Variants in GBE1 observed in about 807,000 individuals in gnomAD.
GBE1 encodes the protein 1,4-alpha-glucan-branching enzyme.
Under a neutral mutation model 88.8 loss-of-function variants are expected in GBE1, and 70 were observed. The ratio of observed to expected loss-of-function variants is 0.79; its 90% CI spans 0.65 to 0.96. GBE1 has a LOEUF of 0.96. Among genes scored for constraint, GBE1 ranks in the 40% least tolerant of loss-of-function variants. The pLI is 0.00. For missense variants in GBE1, 872 were observed against 871.0 expected (o/e 1.00, Z -0.01); for synonymous variants, 284 against 300.1 (o/e 0.95, Z 0.56).
chr3:81,546,608 G>A (rs189813856), intron 12 of GBE1, among the ~76,000 whole-genome samples: 2 of 151,430 alleles, frequency 1.3e-5, no homozygotes, highest in Admixed American at 1.3e-4. Flanking sequence ...AGTGACCTCT[G>A]GTCTTTCTCA....
At chr3:81,559,483 C>A (rs530670625) in intron 12 of GBE1, among the ~76,000 whole-genome samples, 2 of 151,882 alleles carry the variant, frequency 1.3e-5, no homozygotes, top group East Asian at 1.9e-4. Context: ...ATTGTACCCA[C>A]CCCATGAAGT....
intron 7 of GBE1, chr3:81,642,551 C>A: frequency 5.3e-6 from 2 of 379,266 alleles, no homozygotes; most frequent in Non-Finnish European, 9.4e-6. Context: ...GATTATATAA[C>A]CAATATATTT....
intron 2 of GBE1, among the ~76,000 whole-genome samples, chr3:81,672,038 T>C (rs1705197487): frequency 6.6e-6 from 1 of 152,010 alleles, no homozygotes; most frequent in Admixed American, 6.6e-5. Flanking sequence ...AATAAACATG[T>C]AATGATACTC....
chr3:81,659,335 T>TCTAAAAAAAAATAAAAAAAAA (rs1704989475), intron 3 of GBE1, among the ~76,000 whole-genome samples: 1 of 151,668 alleles, frequency 6.6e-6, no homozygotes, highest in Non-Finnish European at 1.5e-5. Flanking sequence ...ATTCTTTTTT[T>TCTAAAAAAAAATAAAAAAAAA]ATTTTTTTTT....
chr3:81,714,814 G>A (rs1705919422), intron 1 of GBE1, among the ~76,000 whole-genome samples: 2 of 152,168 alleles, frequency 1.3e-5, no homozygotes, highest in South Asian at 4.1e-4. Context: ...CGTTTGGTGA[G>A]GGCACTCTTC....
intron 1 of GBE1, among the ~76,000 whole-genome samples, chr3:81,721,193 G>T (rs1467548805): frequency 1.3e-5 from 1 of 76,684 alleles, no homozygotes; most frequent in African/African-American, 6.1e-5. Context: ...CTAAAACTTA[G>T]AGTATAATAA....
intron 7 of GBE1, among the ~76,000 whole-genome samples, chr3:81,598,199 T>A (rs1703984957): frequency 6.6e-6 from 1 of 151,894 alleles, no homozygotes; most frequent in African/African-American, 2.4e-5. Flanking sequence ...TATTAATAAA[T>A]AAGAGACATT....
At chr3:81,556,715 A>C (rs1328739423) in intron 12 of GBE1, among the ~76,000 whole-genome samples, 3 of 152,144 alleles carry the variant, frequency 2.0e-5, no homozygotes, top group African/African-American at 7.2e-5. Flanking sequence ...GTATTTAATT[A>C]CAAATTATAT....
chr3:81,625,923 TTG>T (rs1293352989), intron 7 of GBE1, among the ~76,000 whole-genome samples: 1 of 152,112 alleles, frequency 6.6e-6, no homozygotes, highest in African/African-American at 2.4e-5. Flanking sequence ...AAAGGTGAAA[TTG>T]TGTTTTATTT....
intron 7 of GBE1, among the ~76,000 whole-genome samples, chr3:81,619,874 A>T (rs533053968): frequency 6.6e-6 from 1 of 152,206 alleles, no homozygotes; most frequent in African/African-American, 2.4e-5. Context: ...ATTTAAAATG[A>T]AGTTTTTCTT....
chr3:81,502,829 C>T (rs1335994870), intron 14 of GBE1, among the ~76,000 whole-genome samples: 1 of 152,126 alleles, frequency 6.6e-6, no homozygotes, highest in African/African-American at 2.4e-5. Flanking sequence ...CATCCTTTTT[C>T]TGTGAAAATT....
intron 2 of GBE1, among the ~76,000 whole-genome samples, chr3:81,693,035 G>A (rs1705543618): frequency 6.6e-6 from 1 of 152,052 alleles, no homozygotes; most frequent in South Asian, 2.1e-4. Flanking sequence ...GACTAAAAAG[G>A]AAATTCACTT....
chr3:81,731,449 C>T (rs1706184302), intron 1 of GBE1, among the ~76,000 whole-genome samples: 1 of 152,142 alleles, frequency 6.6e-6, no homozygotes, highest in African/African-American at 2.4e-5. Context: ...TTCCCTATTA[C>T]CATATCTTTA....
chr3:81,544,306 ACAATAGTT>A (rs1559640065), intron 12 of GBE1, among the ~76,000 whole-genome samples: 1 of 152,180 alleles, frequency 6.6e-6, no homozygotes, highest in Non-Finnish European at 1.5e-5. Flanking sequence ...ACAGTTAAGA[ACAATAGTT>A]CTGAGTCCAA....
intron 3 of GBE1, among the ~76,000 whole-genome samples, chr3:81,669,403 TA>T (rs1191552579): frequency 1.3e-5 from 2 of 152,046 alleles, no homozygotes; most frequent in South Asian, 2.1e-4. Context: ...AAACAAAGGT[TA>T]AAAAAACAGC....
chr3:81,750,290 G>A (rs558691490), intron 1 of GBE1, among the ~76,000 whole-genome samples: 1 of 151,730 alleles, frequency 6.6e-6, no homozygotes, highest in East Asian at 1.9e-4. Flanking sequence ...GAACAGCACG[G>A]AAAGGTACAA....
intron 12 of GBE1, among the ~76,000 whole-genome samples, chr3:81,572,867 G>T (rs1381896428): frequency 6.6e-6 from 1 of 151,966 alleles, no homozygotes; most frequent in Non-Finnish European, 1.5e-5. Flanking sequence ...GCCTAAACCA[G>T]CATGTTCATA....
chr3:81,708,430 T>C (rs2107172570), intron 1 of GBE1, among the ~76,000 whole-genome samples: 1 of 152,186 alleles, frequency 6.6e-6, no homozygotes, highest in African/African-American at 2.4e-5. Context: ...TTGGAAACAA[T>C]GATCAAACTC....
chr3:81,690,317 C>A (rs1013230470), intron 2 of GBE1, among the ~76,000 whole-genome samples: 2 of 152,194 alleles, frequency 1.3e-5, no homozygotes, highest in Admixed American at 6.5e-5. Context: ...ATTCCTCTTA[C>A]TAAGCTTCGC....
Sources: allele counts gnomAD v4.1 joint callset (sites outside exome capture counted in the v4.1 genomes callset), GRCh38; gene constraint gnomAD v4.1.1; transcripts MANE v1.5; gene names NCBI Gene and HGNC (gene_info 2026-07-23, HGNC 2026-07-21).